Variants in RCOR1 observed in about 807,000 individuals in gnomAD.
The protein encoded by RCOR1 is REST corepressor.
RCOR1 carries 12 observed loss-of-function variants against 64.0 expected under a neutral mutation model. That is an observed-to-expected ratio of 0.19 (90% CI 0.12 to 0.30). RCOR1 has a LOEUF of 0.30. Among genes scored for constraint, RCOR1 ranks in the 10% least tolerant of loss-of-function variants. The pLI is 1.00. For missense variants in RCOR1, 502 were observed against 621.2 expected (o/e 0.81, Z 2.04); for synonymous variants, 279 against 227.2 (o/e 1.23, Z -2.05).
At chr14:102,662,458 C>T (rs1595218319) in intron 2 of RCOR1, 1 of 543,844 alleles carries the variant, frequency 1.8e-6, no homozygotes, top group Non-Finnish European at 3.6e-6. Flanking sequence ...TCATGGCAGA[C>T]TCAGTGGTCA....
At chr14:102,651,561 A>C (rs1894591288) in intron 2 of RCOR1, among the ~76,000 whole-genome samples, 1 of 152,096 alleles carries the variant, frequency 6.6e-6, no homozygotes, top group East Asian at 1.9e-4. Flanking sequence ...TCAAAAAAAA[A>C]AAAGAAAAAG....
intron 3 of RCOR1, among the ~76,000 whole-genome samples, chr14:102,693,212 A>T (rs967203051): frequency 6.6e-6 from 1 of 152,132 alleles, no homozygotes; most frequent in Non-Finnish European, 1.5e-5. Context: ...ATGTGCATTC[A>T]TAGTTCTTTT....
At chr14:102,597,845 T>C (rs975030600) in intron 2 of RCOR1, among the ~76,000 whole-genome samples, 45 of 151,154 alleles carry the variant, frequency 3.0e-4, no homozygotes, top group African/African-American at 1.0e-3. Flanking sequence ...ATGGAGTTTT[T>C]TTCTCTTGTT....
intron 2 of RCOR1, among the ~76,000 whole-genome samples, chr14:102,641,684 A>C (rs973483498): frequency 6.6e-6 from 1 of 152,158 alleles, no homozygotes; most frequent in Non-Finnish European, 1.5e-5. Context: ...TTGGGGAAGT[A>C]ATTGCTGTTA....
intron 2 of RCOR1, among the ~76,000 whole-genome samples, chr14:102,634,766 G>C (rs976140218): frequency 2.0e-5 from 3 of 151,318 alleles, no homozygotes; most frequent in African/African-American, 7.3e-5. Flanking sequence ...GCGCGATCTC[G>C]ACTCACGACA....
At chr14:102,698,099 G>A (rs1369665776) in intron 3 of RCOR1, among the ~76,000 whole-genome samples, 2 of 152,182 alleles carry the variant, frequency 1.3e-5, no homozygotes, top group African/African-American at 4.8e-5. Context: ...TATGGCAGAT[G>A]TCCTATATAA....
At chr14:102,706,898 A>C (rs1041878615) in intron 4 of RCOR1, among the ~76,000 whole-genome samples, 1 of 151,912 alleles carries the variant, frequency 6.6e-6, no homozygotes, top group African/African-American at 2.4e-5. Flanking sequence ...CTCTGTGACC[A>C]CTTCCCTGAT....
At chr14:102,677,443 A>G (rs1398497372) in intron 2 of RCOR1, among the ~76,000 whole-genome samples, 2 of 134,310 alleles carry the variant, frequency 1.5e-5, no homozygotes, top group African/African-American at 3.0e-5. Context: ...CACTTCTCAG[A>G]CGGGGCGGTT....
At chr14:102,703,646 G>C (rs550794110) in intron 4 of RCOR1, among the ~76,000 whole-genome samples, 3 of 152,354 alleles carry the variant, frequency 2.0e-5, no homozygotes, top group Non-Finnish European at 2.9e-5. Flanking sequence ...GATATTGTCA[G>C]TTAAAAGCTG....
intron 2 of RCOR1, among the ~76,000 whole-genome samples, chr14:102,615,823 A>C (rs1893746841): frequency 1.3e-5 from 2 of 152,194 alleles, no homozygotes; most frequent in African/African-American, 4.8e-5. Flanking sequence ...TTGAGTAGAA[A>C]ATACAAACTT....
At chr14:102,593,467 G>A in intron 2 of RCOR1, 142 bp downstream of exon 2, 1 of 906,440 alleles carries the variant, frequency 1.1e-6, no homozygotes, top group East Asian at 3.3e-5. Context: ...GCAGGGCGAG[G>A]ACGAGGAGGC....
At chr14:102,612,805 A>C (rs1893658475) in intron 2 of RCOR1, among the ~76,000 whole-genome samples, 1 of 151,776 alleles carries the variant, frequency 6.6e-6, no homozygotes, top group Admixed American at 6.6e-5. Flanking sequence ...CTTGGGCAAC[A>C]TAGCAAGACC....
chr14:102,682,244 C>G (rs1895320358), intron 3 of RCOR1, among the ~76,000 whole-genome samples: 1 of 152,238 alleles, frequency 6.6e-6, no homozygotes, highest in East Asian at 1.9e-4. Flanking sequence ...ATTCTCCAGC[C>G]CCAGCCTCCT....
chr14:102,621,979 CT>C (rs1893883856), intron 2 of RCOR1, among the ~76,000 whole-genome samples: 1 of 152,168 alleles, frequency 6.6e-6, no homozygotes, highest in Non-Finnish European at 1.5e-5. Context: ...ATTCCTCCCC[CT>C]CTCCCCGCAA....
At chr14:102,709,863 A>G (rs912083219) in intron 6 of RCOR1, among the ~76,000 whole-genome samples, 1 of 152,166 alleles carries the variant, frequency 6.6e-6, no homozygotes, top group African/African-American at 2.4e-5. Flanking sequence ...GATATCCTTG[A>G]GTGTGAAATA....
At chr14:102,682,415 C>T (rs1895326012) in intron 3 of RCOR1, among the ~76,000 whole-genome samples, 1 of 152,204 alleles carries the variant, frequency 6.6e-6, no homozygotes, top group Non-Finnish European at 1.5e-5. Context: ...CAGGTGTGAG[C>T]CACTGCGCCC....
intron 3 of RCOR1, among the ~76,000 whole-genome samples, chr14:102,688,416 T>A (rs1895465337): frequency 1.3e-5 from 2 of 152,218 alleles, no homozygotes; most frequent in Non-Finnish European, 2.9e-5. Context: ...GGAGGATCTC[T>A]TGACGGAGTT....
In RCOR1 at chr14:102,705,141, G is replaced by A. The variant is rs191836722; in HGVS notation, c.499-2210G>A. ...CAACAACAACAACAACAAAAAAAAA[G>A]AGGGGGGAAAGAAGCCATTCCTCAC... On this transcript the variant is annotated intron_variant, in intron 4 of 11. Transcript: ENST00000262241. Among the ~76,000 whole-genome samples the A allele has an allele frequency of 2.5e-3, 381 of 151,866 alleles. 1 individual carries two copies. Among genetic ancestry groups the A allele is most frequent in the Admixed American group, 3.7e-3 (57 of 15,246 alleles).
Position 102,726,825 on chromosome 14 carries a change from T to C in RCOR1, c.*319T>C, listed in dbSNP as rs1896275460. The C allele has an allele frequency of 5.9e-6, 2 of 336,572 alleles. No individual in the cohort carries two copies. Among genetic ancestry groups the C allele is most frequent in the South Asian group, 9.9e-5 (2 of 20,232 alleles). 20.8% of individuals were successfully genotyped at this position (336,572 alleles called of 1,614,324 possible). A position where few individuals can be genotyped will look rare whatever the true frequency, so the allele number is the denominator to read the frequency against. On this transcript the variant is annotated 3_prime_UTR_variant, in exon 12 of 12. Transcript: ENST00000262241. ...CCCCGAGCCCCACCAATGGCAGCTC[T>C]TCCCAGTCAGCAGCTTCAGAGCAGG...
Sources: allele counts gnomAD v4.1 joint callset (sites outside exome capture counted in the v4.1 genomes callset), GRCh38; gene constraint gnomAD v4.1.1; transcripts MANE v1.5; gene names NCBI Gene and HGNC (gene_info 2026-07-23, HGNC 2026-07-21).